C10orf67: variants seen among roughly 807,000 people sequenced by gnomAD.
The protein encoded by C10orf67 is chromosome 10 open reading frame 67, also known as uncharacterized protein C10orf67, mitochondrial.
A neutral mutation model predicts 35.6 loss-of-function variants in C10orf67; 60 were observed. The ratio of observed to expected loss-of-function variants is 1.68; its 90% confidence interval spans 1.37 to 2.09. C10orf67 has a LOEUF of 2.09. Ranked by LOEUF, C10orf67 falls within the 30% of genes most tolerant of loss-of-function variation. The pLI, the probability that C10orf67 is intolerant of heterozygous loss-of-function variation, is 0.00. For synonymous variants in C10orf67, 167 were observed against 115.8 expected (o/e 1.44, Z -2.84); for missense variants, 474 against 330.2 (o/e 1.44, Z -3.38).
intron 4 of C10orf67, among the ~76,000 whole-genome samples, chr10:23,308,639 C>A (rs1006531936): frequency 6.6e-6 from 1 of 152,124 alleles, no homozygotes; most frequent in Non-Finnish European, 1.5e-5. Context: ...GTCATTCTAG[C>A]AGAATGGTAT....
intron 10 of C10orf67, among the ~76,000 whole-genome samples, chr10:23,253,887 AG>A (rs1308418428): frequency 1.3e-5 from 2 of 152,214 alleles, no homozygotes; most frequent in Admixed American, 1.3e-4. Flanking sequence ...GAGAAAAAAA[AG>A]CATCACATGT....
At chr10:23,303,211 T>C (rs1168368687) in intron 5 of C10orf67, 93 bp downstream of exon 5, 1 of 416,914 alleles carries the variant, frequency 2.4e-6, no homozygotes, top group Middle Eastern at 6.3e-4. Context: ...AATGCAGCAA[T>C]TGGATTTTAA....
At chr10:23,303,746 A>T (rs188526589) in intron 4 of C10orf67, among the ~76,000 whole-genome samples, 14 of 152,362 alleles carry the variant, frequency 9.2e-5, no homozygotes, top group African/African-American at 2.9e-4. Context: ...CAGCCATGTA[A>T]ACTACAATAG....
At chr10:23,216,544 T>C (rs976272282) in intron 15 of C10orf67, among the ~76,000 whole-genome samples, 3 of 152,162 alleles carry the variant, frequency 2.0e-5, no homozygotes, top group Non-Finnish European at 2.9e-5. Flanking sequence ...CAGCTATTTA[T>C]GAATCTAACA....
rs200194805 is a variant in C10orf67, at chr10:23,211,478, T to TG, written c.1571-7224dup. On this transcript the variant is annotated intron_variant, in intron 15 of 15. Coordinates refer to ENST00000636213, the MANE Select transcript of C10orf67 (RefSeq NM_001371909.1). Reference sequence around the variant, plus strand: ...GGCGGTGTGTGTGTGTGTGTGTGTGTGGGGGGGGGGGGTATCACAATTCAA... The same window carrying TG: ...GGCGGTGTGTGTGTGTGTGTGTGTGTGGGGGGGGGGGGGTATCACAATTCAA... 6.2e-3 allele frequency among the ~76,000 whole-genome samples: 919 copies of TG among 147,110 alleles called. 7 individuals are homozygous for TG. The highest frequency in any genetic ancestry group is 0.011 in the Non-Finnish European group (699 of 66,224).
At chr10:23,239,260 A>G (rs182814790) in intron 13 of C10orf67, among the ~76,000 whole-genome samples, 13 of 152,334 alleles carry the variant, frequency 8.5e-5, no homozygotes, top group African/African-American at 3.1e-4. Context: ...AAATAATAGC[A>G]TAATTTAGAA....
chr10:23,235,706 A>G (rs1274468168), intron 13 of C10orf67, among the ~76,000 whole-genome samples: 1 of 152,246 alleles, frequency 6.6e-6, no homozygotes, highest in African/African-American at 2.4e-5. Context: ...GATCCTTCAA[A>G]AAAGAAGACC....
At chr10:23,238,404 T>C (rs559010901) in intron 13 of C10orf67, among the ~76,000 whole-genome samples, 1 of 152,318 alleles carries the variant, frequency 6.6e-6, no homozygotes, top group South Asian at 2.1e-4. Flanking sequence ...TCATAAACTT[T>C]GAATCCAGGA....
intron 4 of C10orf67, among the ~76,000 whole-genome samples, chr10:23,312,141 C>T (rs1266745429): frequency 6.6e-6 from 1 of 152,050 alleles, no homozygotes; most frequent in Non-Finnish European, 1.5e-5. Context: ...TGCATTTACT[C>T]CCAGTTAAAG....
intron 1 of C10orf67, among the ~76,000 whole-genome samples, chr10:23,336,888 T>C (rs1845706484): frequency 1.3e-5 from 2 of 152,014 alleles, no homozygotes; most frequent in South Asian, 2.1e-4. Context: ...CATTCCAAGA[T>C]TGGAATAAAA....
At chr10:23,292,158 C>CTT (rs542812504) in intron 5 of C10orf67, among the ~76,000 whole-genome samples, 1,264 of 69,264 alleles carry the variant, frequency 0.018, 126 homozygotes, top group African/African-American at 0.081. Context: ...GACAGCTACT[C>CTT]TTTTTTTTTT....
At chr10:23,306,698 G>A (rs1248370358) in intron 4 of C10orf67, among the ~76,000 whole-genome samples, 2 of 152,076 alleles carry the variant, frequency 1.3e-5, no homozygotes, top group Non-Finnish European at 2.9e-5. Flanking sequence ...TTGTTTACTT[G>A]AAATTTGCCA....
chr10:23,337,378 G>A (rs978355566), intron 1 of C10orf67, among the ~76,000 whole-genome samples: 7 of 152,054 alleles, frequency 4.6e-5, no homozygotes, highest in African/African-American at 1.7e-4. Flanking sequence ...TACAAAAAAT[G>A]CAAAAATTAG....
intron 10 of C10orf67, among the ~76,000 whole-genome samples, chr10:23,251,150 A>G (rs1028777632): frequency 2.6e-5 from 4 of 152,156 alleles, no homozygotes; most frequent in African/African-American, 9.6e-5. Context: ...GTAAATTACC[A>G]TACATAGGAA....
intron 5 of C10orf67, among the ~76,000 whole-genome samples, chr10:23,298,891 G>T (rs948574315): frequency 2.6e-5 from 4 of 152,158 alleles, no homozygotes; most frequent in Non-Finnish European, 5.9e-5. Context: ...ATGAGAACTG[G>T]CTCAAGTCTT....
intron 2 of C10orf67, among the ~76,000 whole-genome samples, chr10:23,322,956 G>A (rs1416230391): frequency 6.6e-6 from 1 of 152,086 alleles, no homozygotes; most frequent in Non-Finnish European, 1.5e-5. Context: ...TATAAGCTGG[G>A]TTCCTGGTCA....
chr10:23,278,962 G>A (rs74636961), intron 8 of C10orf67, among the ~76,000 whole-genome samples: 182 of 152,272 alleles, frequency 1.2e-3, no homozygotes, highest in African/African-American at 4.2e-3. Flanking sequence ...CTTCCTAAGT[G>A]GATTGTGGGT....
At chr10:23,258,516 T>C (rs981523146) in intron 10 of C10orf67, 9 of 168,640 alleles carry the variant, frequency 5.3e-5, no homozygotes, top group African/African-American at 2.1e-4. Context: ...CCAGGGTTAC[T>C]CCTACCATGG....
chr10:23,232,146 A>T (rs58998391), intron 13 of C10orf67, among the ~76,000 whole-genome samples: 4,718 of 152,258 alleles, frequency 0.031, 230 homozygotes, highest in African/African-American at 0.11. Flanking sequence ...GTTATTATCA[A>T]TCTTTAAATT....
Sources: allele counts gnomAD v4.1 joint callset (sites outside exome capture counted in the v4.1 genomes callset), GRCh38; gene constraint gnomAD v4.1.1; transcripts MANE v1.5; gene names NCBI Gene and HGNC (gene_info 2026-07-23, HGNC 2026-07-21).